The following BID variants were observed in gnomAD, a reference collection of about 807,000 sequenced individuals.
The protein encoded by BID is BH3 interacting domain death agonist.
In BID, 19 loss-of-function variants were observed where a neutral mutation model predicts 17.4. The ratio of observed to expected loss-of-function variants is 1.09; its 90% CI spans 0.76 to 1.60. The LOEUF (loss-of-function observed/expected upper bound fraction) is 1.60. Ranked by LOEUF, BID falls within the 40% of genes most tolerant of loss-of-function variation. The pLI is 0.00. For missense variants in BID, 226 were observed against 256.0 expected (o/e 0.88, Z 0.80); for synonymous variants, 108 against 102.8 (o/e 1.05, Z -0.31).
chr22:17,739,320 G>T, intron 4 of BID, 29 bp downstream of exon 4: 1 of 1,533,200 alleles, frequency 6.5e-7, no homozygotes, highest in Non-Finnish European at 8.8e-7. Flanking sequence ...TCACTTGCCC[G>T]CCCACGCGGT....
intron 1 of BID, among the ~76,000 whole-genome samples, chr22:17,758,631 G>C (rs894686185): frequency 2.6e-5 from 4 of 152,148 alleles, no homozygotes; most frequent in African/African-American, 9.7e-5. Context: ...CACTACGCTG[G>C]GCGAACTAGG....
intron 1 of BID, among the ~76,000 whole-genome samples, chr22:17,753,653 C>T (rs974357180): frequency 6.6e-6 from 1 of 152,234 alleles, no homozygotes; most frequent in East Asian, 1.9e-4. Flanking sequence ...CCGTCAATAG[C>T]GGCCCTACGC....
intron 1 of BID, among the ~76,000 whole-genome samples, chr22:17,766,523 G>A (rs1203017252): frequency 1.3e-5 from 2 of 151,662 alleles, no homozygotes; most frequent in Non-Finnish European, 2.9e-5. Context: ...TCAGGTGATC[G>A]ACCCGCCTCG....
At chr22:17,771,187 C>CCT (rs1488389569) in intron 1 of BID, among the ~76,000 whole-genome samples, 4 of 152,250 alleles carry the variant, frequency 2.6e-5, no homozygotes, top group Admixed American at 1.3e-4. Context: ...GCAAGCTCCA[C>CCT]CTCCCGGGTT....
At position 17,773,312 on chromosome 22, in the gene BID, G is replaced by A. The variant is rs2061734143; in HGVS notation, c.-59+1069C>T. On this transcript the variant is annotated intron_variant, in intron 1 of 5. Coordinates refer to ENST00000622694, the MANE Select transcript of BID (RefSeq NM_001196.4). The surrounding 1 kb of genome is among the most constrained non-coding windows in gnomAD (Gnocchi z 4.4). ...ACCCCAGCTCAGGGAATCTGGTCTC[G>A]GTCATCACTCCCAGGGGACTGCAGG... 6.6e-6 allele frequency among the ~76,000 whole-genome samples: 1 copy of A among 152,044 alleles called. No individual in the cohort carries two copies. Among genetic ancestry groups the A allele is most frequent in the African/African-American group, 2.4e-5 (1 of 41,376 alleles).
rs1325243085 is a variant in BID, at chr22:17,735,375, A to T, written c.*205T>A. On this transcript the variant is annotated 3_prime_UTR_variant, in exon 6 of 6. Coordinates refer to ENST00000622694, the MANE Select transcript of BID (RefSeq NM_001196.4). ...AGGCCATTCAAATACGTGTAAATGG[A>T]CATTTTCATTCAAGTATATTAATGT... 1 of 600,144 alleles carries T rather than the reference A, an allele frequency of 1.7e-6. No individual in the cohort carries two copies. Among genetic ancestry groups the T allele is most frequent in the Non-Finnish European group, 2.9e-6 (1 of 343,012 alleles). 37.2% of individuals were successfully genotyped at this position (600,144 alleles called of 1,614,324 possible). A position where few individuals can be genotyped will look rare whatever the true frequency, so the allele number is the denominator to read the frequency against.
At chr22:17,754,012 CCA>C (rs762189755) in intron 1 of BID, among the ~76,000 whole-genome samples, 1 of 152,138 alleles carries the variant, frequency 6.6e-6, no homozygotes, top group African/African-American at 2.4e-5. Flanking sequence ...TGACATTCCC[CCA>C]GTCTCCAGGA....
At chr22:17,762,836 GT>G (rs2061650097) in intron 1 of BID, among the ~76,000 whole-genome samples, 1 of 151,358 alleles carries the variant, frequency 6.6e-6, no homozygotes, top group African/African-American at 2.4e-5. Flanking sequence ...AGACCAAAAA[GT>G]TTGAGAAGTG....
chr22:17,768,459 G>A (rs1158187756), intron 1 of BID, among the ~76,000 whole-genome samples: 1 of 152,220 alleles, frequency 6.6e-6, no homozygotes, highest in Non-Finnish European at 1.5e-5. Flanking sequence ...CTGGGCTTCT[G>A]GGTGGGGCAT....
Position 17,744,004 on chromosome 22 carries a change from C to A in BID, c.22G>T (p.Gly8Cys). ...ATGCACTCATCCCTGAGGCTGGAAC[C>A]GTTGTTGACCTGAGGGGAAAGGGGA... MDCEVNN[G>C]SSLRDECITN... Residue 8 changes from glycine (G) to cysteine (C), a missense_variant, in exon 3 of 6, where the codon GGT becomes TGT. Gly to Cys is a radical substitution (Grantham distance 159). Transcript: ENST00000622694. 4 of 1,613,644 alleles carry A rather than the reference C, an allele frequency of 2.5e-6. No homozygotes were observed. Among genetic ancestry groups the A allele is most frequent in the Non-Finnish European group, 3.4e-6 (4 of 1,179,796 alleles).
At position 17,745,291 on chromosome 22, in the gene BID, C is replaced by T. The variant is rs144378377; in HGVS notation, c.13-1278G>A. 6.7e-3 allele frequency among the ~76,000 whole-genome samples: 1,015 copies of T among 152,172 alleles called. 9 individuals are homozygous for T. The highest frequency in any genetic ancestry group is 0.023 in the African/African-American group (940 of 41,528). ...GTCTCGAACTCCTGACCTCGTGATCCGCCCGCCCCCCAACTCCCCCCAACT... is the reference window on the plus strand; with the variant it reads ...GTCTCGAACTCCTGACCTCGTGATCTGCCCGCCCCCCAACTCCCCCCAACT... On this transcript the variant is annotated intron_variant, in intron 2 of 5. Coordinates refer to ENST00000622694, the MANE Select transcript of BID (RefSeq NM_001196.4).
At chr22:17,765,805 T>G (rs1163562830) in intron 1 of BID, among the ~76,000 whole-genome samples, 1 of 152,238 alleles carries the variant, frequency 6.6e-6, no homozygotes, top group Non-Finnish European at 1.5e-5. Flanking sequence ...GTTGTGCACA[T>G]GTACCCTAAA....
Position 17,756,413 on chromosome 22 carries a change from TTTCTTTCTTTCTTTCTTTC to T in BID, c.-58-6258_-58-6240del, listed in dbSNP as rs765267676. On this transcript the variant is annotated intron_variant, in intron 1 of 5. Coordinates refer to ENST00000622694, the MANE Select transcript of BID (RefSeq NM_001196.4). ...CTCTTTCTTTCTTTTCTTTTTTCTC[TTTCTTTCTTTCTTTCTTTC>T]TTCTTTCTTTCTTTCTTTCTTTCTT... 0.012 allele frequency among the ~76,000 whole-genome samples: 669 copies of T among 54,210 alleles called. 5 individuals carry two copies. In the East Asian group the frequency reaches 0.13, roughly 10 times the overall value. 35.6% of individuals were successfully genotyped at this position (54,210 alleles called of 152,430 possible).
chr22:17,734,568 C>G lies in BID; in HGVS notation c.*1012G>C, dbSNP rs1324889240. The stretch of plus-strand genomic sequence containing the variant: ...ATTTATTTTGGTACTACCTAAGTGA[C>G]TTGGTTTTGACTGTCCCTAAGAGAG... On this transcript the variant is annotated 3_prime_UTR_variant, in exon 6 of 6. Coordinates refer to ENST00000622694, the MANE Select transcript of BID (RefSeq NM_001196.4). The G allele has an allele frequency of 6.6e-6, 1 of 152,198 alleles. No homozygotes were observed. The highest frequency in any genetic ancestry group is 1.5e-5 in the Non-Finnish European group (1 of 68,042). 9.4% of individuals were successfully genotyped at this position (152,198 alleles called of 1,614,324 possible).
At chr22:17,742,087 GC>G (rs914047547) in intron 3 of BID, among the ~76,000 whole-genome samples, 1 of 152,208 alleles carries the variant, frequency 6.6e-6, no homozygotes, top group African/African-American at 2.4e-5. Flanking sequence ...TCTGTGTCCA[GC>G]CGAGTGAACG....
chr22:17,757,780 C>A (rs577152302), intron 1 of BID, among the ~76,000 whole-genome samples: 1 of 152,130 alleles, frequency 6.6e-6, no homozygotes, highest in South Asian at 2.1e-4. Context: ...GCGAGTGAAG[C>A]CCACCCAAAG....
rs1454603818 is a variant in BID, at chr22:17,769,662, C to T, written c.-59+4719G>A. Among the ~76,000 whole-genome samples the T allele has an allele frequency of 1.3e-5, 2 of 152,196 alleles. No individual in the cohort carries two copies. Among genetic ancestry groups the T allele is most frequent in the African/African-American group, 2.4e-5 (1 of 41,442 alleles). The stretch of plus-strand genomic sequence containing the variant: ...GGCAATTTTATCTTCTCATAGCATG[C>T]CTGCCTCAGTTCCGCAGCCAGGACG... On this transcript the variant is annotated intron_variant, in intron 1 of 5. Transcript: ENST00000622694. The surrounding 1 kb of genome is among the most constrained non-coding windows in gnomAD (Gnocchi z 4.8).
At chr22:17,762,553 C>A (rs951402555) in intron 1 of BID, among the ~76,000 whole-genome samples, 2 of 145,704 alleles carry the variant, frequency 1.4e-5, no homozygotes, top group African/African-American at 5.3e-5. Context: ...AATGAATGAA[C>A]ACTTTTTTTT....
At chr22:17,753,778 G>C (rs2061559198) in intron 1 of BID, among the ~76,000 whole-genome samples, 1 of 152,240 alleles carries the variant, frequency 6.6e-6, no homozygotes, top group Non-Finnish European at 1.5e-5. Context: ...TGGGAAACGG[G>C]AAATACCCTG....
Sources: allele counts gnomAD v4.1 joint callset (sites outside exome capture counted in the v4.1 genomes callset), GRCh38; gene constraint gnomAD v4.1.1; non-coding constraint Gnocchi (gnomAD v3.1); transcripts MANE v1.5; gene names NCBI Gene and HGNC (gene_info 2026-07-23, HGNC 2026-07-21).